The following FAIM2 variants were observed in gnomAD, a reference collection of about 807,000 sequenced individuals.
The protein encoded by FAIM2 is protein lifeguard 2.
A neutral mutation model predicts 47.4 loss-of-function variants in FAIM2; 27 were observed. The observed-to-expected ratio is 0.57, with a 90% CI of 0.42 to 0.78. The LOEUF is 0.78. Ranked by LOEUF, FAIM2 falls within the 30% of genes least tolerant of loss-of-function variation. The pLI is 0.00. For synonymous variants in FAIM2, 156 were observed against 159.3 expected (o/e 0.98, Z 0.16); for missense variants, 311 against 389.4 (o/e 0.80, Z 1.69).
At chr12:49,894,052 G>T (rs145153755) in intron 5 of FAIM2, among the ~76,000 whole-genome samples, 110 of 152,326 alleles carry the variant, frequency 7.2e-4, no homozygotes, top group African/African-American at 2.4e-3. Context: ...TTGTGGTACA[G>T]CTTGGGAGGC....
Position 49,889,210 on chromosome 12 carries a change from G to T in FAIM2, c.652-8C>A, listed in dbSNP as rs960736409. On this transcript the variant is annotated splice_polypyrimidine_tract_variant and splice_region_variant and intron_variant, in intron 9 of 11. Coordinates refer to ENST00000320634, the MANE Select transcript of FAIM2 (RefSeq NM_012306.4). ...GCAGGAGGTGAAGTCGAACTGTGGG[G>T]ACAGGATGGGGTTAGCTGCAGGAGC... is the stretch of plus-strand genomic sequence containing the variant. The T allele has an allele frequency of 6.2e-7, 1 of 1,605,186 alleles. No individual in the cohort carries two copies. Among genetic ancestry groups the T allele is most frequent in the Admixed American group, 1.7e-5 (1 of 59,028 alleles).
At chr12:49,879,325 CGTGT>C (rs1286303609) in intron 11 of FAIM2, among the ~76,000 whole-genome samples, 11 of 45,324 alleles carry the variant, frequency 2.4e-4, no homozygotes, top group African/African-American at 1.7e-3. Flanking sequence ...TGTATATGTG[CGTGT>C]GTATGTGTTT....
chr12:49,882,049 C>G (rs1348416720), intron 11 of FAIM2, among the ~76,000 whole-genome samples: 1 of 152,186 alleles, frequency 6.6e-6, no homozygotes, highest in African/African-American at 2.4e-5. Context: ...AGGGGAGGGT[C>G]CCCCTGGGGG....
At chr12:49,879,917 C>A (rs1946794905) in intron 11 of FAIM2, among the ~76,000 whole-genome samples, 1 of 144,034 alleles carries the variant, frequency 6.9e-6, no homozygotes, top group African/African-American at 2.6e-5. Context: ...TATATGTGTG[C>A]ATATGTGTAT....
rs550749540 is a variant in FAIM2, at chr12:49,895,592, G to C, written c.434+1439C>G. On this transcript the variant is annotated intron_variant, in intron 5 of 11. Transcript: ENST00000320634. ...GGCCTCATTAGCTTTACCGTACAGT[G>C]CCTCCCAGTTCCCCAAGACACATGC... Among the ~76,000 whole-genome samples the C allele has an allele frequency of 2.6e-5, 4 of 152,288 alleles. No individual in the cohort carries two copies. The South Asian group carries it at 8.3e-4, about 32-fold the overall frequency.
At chr12:49,902,361 G>C (rs927217082) in intron 1 of FAIM2, 1 of 152,236 alleles carries the variant, frequency 6.6e-6, no homozygotes, top group Admixed American at 6.5e-5. Flanking sequence ...GACTGTGTTA[G>C]ACCTAAAGGG....
At position 49,897,524 on chromosome 12, in the gene FAIM2, A is replaced by T; in HGVS notation, c.375T>A (p.Thr125=). ...LVTLAVVALF[T]FCDPVKDYVQ... ...GGTCCATGCTGCCAACTCACCAGAAAGTAAAGAGAGCCACGACAGCCAAGG... is the reference window on the plus strand; with the variant it reads ...GGTCCATGCTGCCAACTCACCAGAATGTAAAGAGAGCCACGACAGCCAAGG... The change falls in exon 4 of 12, where the codon ACT becomes ACA. Residue 125 remains threonine (T), a synonymous_variant. Transcript: ENST00000320634. 3 of 1,614,112 alleles carry T rather than the reference A, an allele frequency of 1.9e-6. No homozygotes were observed. The highest frequency in any genetic ancestry group is 2.5e-6 in the Non-Finnish European group (3 of 1,179,984).
At chr12:49,895,018 C>T (rs1946926162) in intron 5 of FAIM2, among the ~76,000 whole-genome samples, 2 of 151,902 alleles carry the variant, frequency 1.3e-5, no homozygotes, top group Admixed American at 6.6e-5. Flanking sequence ...AGACACGAGG[C>T]CAACTTAGGG....
chr12:49,875,834 G>T (rs1194570741), intron 11 of FAIM2, among the ~76,000 whole-genome samples: 1 of 152,116 alleles, frequency 6.6e-6, no homozygotes, highest in African/African-American at 2.4e-5. Flanking sequence ...AAGTTAGCCA[G>T]GCGTGGTGGT....
chr12:49,877,892 G>A (rs1946748964), intron 11 of FAIM2, among the ~76,000 whole-genome samples: 1 of 150,978 alleles, frequency 6.6e-6, no homozygotes, highest in East Asian at 1.9e-4. Flanking sequence ...GTGTATGTGG[G>A]TATGTGTGTG....
intron 11 of FAIM2, among the ~76,000 whole-genome samples, chr12:49,875,146 C>A (rs1295589464): frequency 2.6e-5 from 4 of 152,050 alleles, no homozygotes; most frequent in African/African-American, 4.8e-5. Flanking sequence ...TAAATGTATT[C>A]ACATATTATA....
At chr12:49,900,161 T>C (rs1264361964) in intron 2 of FAIM2, 10 of 1,275,444 alleles carry the variant, frequency 7.8e-6, no homozygotes, top group African/African-American at 4.6e-5. Flanking sequence ...CAGACCTTCA[T>C]TGACCCTCCA....
At chr12:49,879,207 T>C (rs1160974204) in intron 11 of FAIM2, among the ~76,000 whole-genome samples, 1 of 97,732 alleles carries the variant, frequency 1.0e-5, no homozygotes, top group African/African-American at 4.1e-5. Context: ...TGTATGTGTA[T>C]GAGTGTGTAT....
intron 11 of FAIM2, among the ~76,000 whole-genome samples, chr12:49,872,733 T>C (rs2137078205): frequency 6.6e-6 from 1 of 152,332 alleles, no homozygotes; most frequent in South Asian, 2.1e-4. Flanking sequence ...CCACTTGGAC[T>C]GCAGGCTCTG....
At chr12:49,889,039 G>T in intron 10 of FAIM2, 68 bp downstream of exon 10, 2 of 1,167,316 alleles carry the variant, frequency 1.7e-6, no homozygotes, top group African/African-American at 1.5e-5. Context: ...ATAGGGGAGG[G>T]AACGGCACCT....
chr12:49,900,594 G>A (rs1424887872), intron 2 of FAIM2, among the ~76,000 whole-genome samples: 1 of 152,114 alleles, frequency 6.6e-6, no homozygotes, highest in South Asian at 2.1e-4. Flanking sequence ...ACGGGCTCGG[G>A]GAAGGGAACA....
At chr12:49,879,778 A>T (rs1173767676) in intron 11 of FAIM2, among the ~76,000 whole-genome samples, 1 of 147,156 alleles carries the variant, frequency 6.8e-6, no homozygotes, top group South Asian at 2.2e-4. Flanking sequence ...GTGTGTATAT[A>T]TGTGCATGTG....
intron 11 of FAIM2, among the ~76,000 whole-genome samples, chr12:49,882,108 C>T (rs1946829935): frequency 6.6e-6 from 1 of 152,232 alleles, no homozygotes; most frequent in South Asian, 2.1e-4. Context: ...TGCACAGTCT[C>T]CTTGAGGCGA....
chr12:49,901,193 CT>C lies in FAIM2; in HGVS notation c.147del (p.Ala51ProfsTer61). The C allele has an allele frequency of 2.5e-6, 4 of 1,610,496 alleles. No individual in the cohort carries two copies. The highest frequency in any genetic ancestry group is 3.4e-6 in the Non-Finnish European group (4 of 1,178,444). On this transcript the variant is annotated frameshift_variant, in exon 2 of 12. Coordinates refer to ENST00000320634, the MANE Select transcript of FAIM2 (RefSeq NM_012306.4). LOFTEE classifies it high-confidence loss of function. ...GCTGTGGGGGCTGGGGGGAAGGCCC[CT>C]GCCTTCATCCCCTCCCCAGAGGTGG... ...EEATSGEGMK[A>X]GAFPPAPTAV...
Sources: gnomAD v4.1 joint callset for allele counts (sites outside exome capture counted in the v4.1 genomes callset) on GRCh38, gnomAD v4.1.1 for gene constraint, MANE v1.5 for transcripts, NCBI Gene and HGNC (gene_info 2026-07-23, HGNC 2026-07-21) for gene names.